SLC4A10: variants seen among roughly 807,000 people sequenced by gnomAD.
SLC4A10 encodes solute carrier family 4 member 10.
SLC4A10 carries 42 observed loss-of-function variants against 137.7 expected under a neutral mutation model. The ratio of observed to expected loss-of-function variants is 0.30; its 90% CI spans 0.24 to 0.39. SLC4A10 has a LOEUF of 0.39. Ranked by LOEUF, SLC4A10 falls within the 10% of genes least tolerant of loss-of-function variation. SLC4A10 has a pLI of 1.00. For synonymous variants in SLC4A10, 474 were observed against 464.1 expected, an observed-to-expected ratio of 1.02 and a Z score of -0.27; for missense variants, 925 against 1,355.0, an observed-to-expected ratio of 0.68 and a Z score of 4.98.
chr2:161,924,341 T>C (rs775899353), intron 15 of SLC4A10, among the ~76,000 whole-genome samples: 3 of 152,132 alleles, frequency 2.0e-5, no homozygotes, highest in Non-Finnish European at 4.4e-5. Flanking sequence ...GAAGTCTTCT[T>C]TGAGCCACCA....
intron 1 of SLC4A10, among the ~76,000 whole-genome samples, chr2:161,768,703 C>T (rs1262231774): frequency 6.6e-6 from 1 of 151,972 alleles, no homozygotes; most frequent in Admixed American, 6.6e-5. Flanking sequence ...ATCAACTAAC[C>T]AATACCATAG....
At chr2:161,748,494 T>G (rs975552443) in intron 1 of SLC4A10, among the ~76,000 whole-genome samples, 6 of 151,522 alleles carry the variant, frequency 4.0e-5, no homozygotes, top group African/African-American at 7.3e-5. Flanking sequence ...GGTTCCAGTT[T>G]TATTCTTTTG....
rs986619135 is a variant in SLC4A10, at chr2:161,818,844, G to T, written c.277+14249G>T. On this transcript the variant is annotated intron_variant, in intron 3 of 26. Coordinates refer to ENST00000446997, the MANE Select transcript of SLC4A10 (RefSeq NM_001178015.2). Reference sequence around the variant, plus strand: ...GGATGAAGGCCACTTGATCATGGTGGATAAGTTTTTGATGTGTTGCTGTAT... The same window carrying T: ...GGATGAAGGCCACTTGATCATGGTGTATAAGTTTTTGATGTGTTGCTGTAT... Among the ~76,000 whole-genome samples the T allele has an allele frequency of 2.6e-5, 4 of 152,164 alleles. 1 individual carries two copies. The highest frequency in any genetic ancestry group is 5.9e-5 in the Non-Finnish European group (4 of 68,036).
intron 3 of SLC4A10, among the ~76,000 whole-genome samples, chr2:161,836,246 C>G (rs2058757587): frequency 6.6e-6 from 1 of 152,146 alleles, no homozygotes; most frequent in Non-Finnish European, 1.5e-5. Flanking sequence ...GCCTGTAATC[C>G]CAGCACTTTG....
chr2:161,976,764 G>A lies in SLC4A10; in HGVS notation c.3232G>A (p.Asp1078Asn). ...TTTGGGGAAACTCCTGTCTAGAGAT[G>A]ATCCATCTGTGATCAATATATCTGA... ...QLPLEGHYRDDPSVINISDEM... is the reference protein window; with the variant it reads ...QLPLEGHYRDNPSVINISDEM... The change falls in exon 25 of 27, where the codon GAT (aspartate) becomes AAT (asparagine). Residue 1078 changes from aspartate to asparagine, a missense_variant. By Grantham distance (23) the Asp-to-Asn change is conservative (BLOSUM62 1). Transcript: ENST00000446997. The A allele has an allele frequency of 6.4e-7, 1 of 1,552,474 alleles. No individual in the cohort carries two copies. Among genetic ancestry groups the A allele is most frequent in the Non-Finnish European group, 8.7e-7 (1 of 1,144,568 alleles).
chr2:161,924,539 GAATTTA>G (rs1688720616), intron 15 of SLC4A10, among the ~76,000 whole-genome samples: 1 of 151,860 alleles, frequency 6.6e-6, no homozygotes. Flanking sequence ...TTTTAAATTT[GAATTTA>G]TTTATTTATG....
At chr2:161,894,161 T>A (rs1203551884) in intron 10 of SLC4A10, among the ~76,000 whole-genome samples, 4 of 152,004 alleles carry the variant, frequency 2.6e-5, no homozygotes, top group Non-Finnish European at 4.4e-5. Context: ...CTGCAGGGAA[T>A]CCTGGAACCA....
intron 10 of SLC4A10, among the ~76,000 whole-genome samples, chr2:161,886,981 C>T (rs2062374286): frequency 6.6e-6 from 1 of 152,032 alleles, no homozygotes; most frequent in Admixed American, 6.6e-5. Flanking sequence ...GTGATGTTCC[C>T]CTTCCTGTGT....
intron 1 of SLC4A10, among the ~76,000 whole-genome samples, chr2:161,698,658 C>T (rs2042801921): frequency 6.6e-6 from 1 of 152,084 alleles, no homozygotes; most frequent in African/African-American, 2.4e-5. Flanking sequence ...GGATGAAGCC[C>T]ACTTGATCAT....
chr2:161,723,000 C>A (rs2045854495), intron 1 of SLC4A10, among the ~76,000 whole-genome samples: 1 of 152,182 alleles, frequency 6.6e-6, no homozygotes, highest in Non-Finnish European at 1.5e-5. Flanking sequence ...CCTCCAGGTC[C>A]AAACTACTCA....
chr2:161,904,916 G>A lies in SLC4A10; in HGVS notation c.1751+7G>A, dbSNP rs371723729. The A allele has an allele frequency of 3.1e-6, 5 of 1,613,514 alleles. No homozygotes were observed. Among genetic ancestry groups the A allele is most frequent in the African/African-American group, 1.3e-5 (1 of 74,896 alleles). Reference sequence around the variant, plus strand: ...TTTTGTTTAAATTTTGCAAGTAAGTGTTATGTACTTTTTGGCCCTTAGCCT... The same window carrying A: ...TTTTGTTTAAATTTTGCAAGTAAGTATTATGTACTTTTTGGCCCTTAGCCT... On this transcript the variant is annotated splice_region_variant and intron_variant, in intron 14 of 26. Transcript: ENST00000446997.
At chr2:161,675,997 G>A (rs2040238787) in intron 1 of SLC4A10, among the ~76,000 whole-genome samples, 1 of 152,020 alleles carries the variant, frequency 6.6e-6, no homozygotes, top group Non-Finnish European at 1.5e-5. Flanking sequence ...TTAGTCAGCG[G>A]GGCTTGGAAA....
At chr2:161,740,882 G>T (rs1382910661) in intron 1 of SLC4A10, among the ~76,000 whole-genome samples, 1 of 152,116 alleles carries the variant, frequency 6.6e-6, no homozygotes. Context: ...GATATATTAA[G>T]ATGTTTTAAT....
chr2:161,917,418 T>C (rs763241225), intron 15 of SLC4A10, among the ~76,000 whole-genome samples: 1 of 151,920 alleles, frequency 6.6e-6, no homozygotes, highest in African/African-American at 2.4e-5. Context: ...GATAGTTAGA[T>C]AGTTGTAGAT....
intron 3 of SLC4A10, among the ~76,000 whole-genome samples, chr2:161,829,675 TA>T (rs2058296456): frequency 1.3e-5 from 2 of 152,202 alleles, no homozygotes. Context: ...TATTTGAGGA[TA>T]TTTTACTTTT....
chr2:161,890,713 C>T (rs13021534), intron 10 of SLC4A10, among the ~76,000 whole-genome samples: 78,594 of 152,102 alleles, frequency 0.52, 21,031 homozygotes, highest in East Asian at 0.85. Flanking sequence ...CTCCTGAATA[C>T]AGCACACCAA....
intron 2 of SLC4A10, among the ~76,000 whole-genome samples, chr2:161,801,477 A>G (rs953802299): frequency 1.3e-5 from 2 of 152,082 alleles, no homozygotes; most frequent in Non-Finnish European, 2.9e-5. Context: ...ACTATGCAAT[A>G]TGCCATCACA....
intron 1 of SLC4A10, among the ~76,000 whole-genome samples, chr2:161,746,588 T>C (rs1379949901): frequency 6.6e-6 from 1 of 152,156 alleles, no homozygotes; most frequent in Non-Finnish European, 1.5e-5. Context: ...TTACTGTGGC[T>C]GAGCTGGTAC....
intron 15 of SLC4A10, among the ~76,000 whole-genome samples, chr2:161,936,527 C>G (rs62189667): frequency 0.067 from 10,215 of 152,122 alleles, 448 homozygotes; most frequent in East Asian, 0.13. Flanking sequence ...TTATATGTGT[C>G]TAGGAATTTA....
Sources: allele counts gnomAD v4.1 joint callset (sites outside exome capture counted in the v4.1 genomes callset), GRCh38; gene constraint gnomAD v4.1.1; transcripts MANE v1.5; gene names NCBI Gene and HGNC (gene_info 2026-07-23, HGNC 2026-07-21).